Variants in RGS6 observed in about 807,000 individuals in gnomAD.
RGS6 encodes regulator of G-protein signaling 6.
Under a neutral mutation model 78.5 loss-of-function variants are expected in RGS6, and 30 were observed. The ratio of observed to expected loss-of-function variants is 0.38; its 90% confidence interval spans 0.29 to 0.52. RGS6 has a LOEUF of 0.52. Ranked by LOEUF, RGS6 falls within the 20% of genes least tolerant of loss-of-function variation. The pLI is 0.85. For synonymous variants in RGS6, 206 were observed against 206.0 expected (o/e 1.00, Z 0.00); for missense variants, 495 against 609.7 (o/e 0.81, Z 1.98).
intron 12 of RGS6, 34 bp from the exon 13 acceptor site, chr14:72,495,118 C>A: frequency 8.4e-7 from 1 of 1,190,810 alleles, no homozygotes; most frequent in South Asian, 1.2e-5. Flanking sequence ...CTAAGGAAAT[C>A]AGTGGCATTC....
At chr14:72,336,045 C>T (rs1014586056) in intron 2 of RGS6, among the ~76,000 whole-genome samples, 4 of 152,182 alleles carry the variant, frequency 2.6e-5, no homozygotes, top group African/African-American at 9.7e-5. Flanking sequence ...TCTGTTAATG[C>T]ATCCTGAGAT....
chr14:72,604,179 G>A, the RGS6 span, among the ~76,000 whole-genome samples: 2 of 152,120 alleles, frequency 1.3e-5, no homozygotes, highest in Non-Finnish European at 2.9e-5. Context: ...GTGGCAACTA[G>A]GCTCCATGGA....
chr14:72,042,632 G>A (rs2092520304), intron 2 of RGS6, among the ~76,000 whole-genome samples: 1 of 98,752 alleles, frequency 1.0e-5, no homozygotes, highest in Admixed American at 1.2e-4. Context: ...TGATCACCAG[G>A]CTTTATATAA....
At chr14:71,932,981 G>A (rs963194455) in intron 1 of RGS6, 40 bp downstream of exon 1, 12 of 152,262 alleles carry the variant, frequency 7.9e-5, no homozygotes, top group African/African-American at 2.4e-4. Context: ...AGAAACAAAT[G>A]GGGGAAAAAC....
chr14:72,026,509 G>A (rs2089889547), intron 2 of RGS6, among the ~76,000 whole-genome samples: 1 of 152,182 alleles, frequency 6.6e-6, no homozygotes, highest in Non-Finnish European at 1.5e-5. Context: ...TGGCAGAACT[G>A]ACCAGTGTCA....
chr14:72,468,363 G>A (rs914203922), intron 7 of RGS6, among the ~76,000 whole-genome samples: 49 of 142,476 alleles, frequency 3.4e-4, no homozygotes, highest in African/African-American at 1.1e-3. Flanking sequence ...GCAACAGAGC[G>A]AGACTCCGTC....
chr14:71,872,332 G>C, the RGS6 span, among the ~76,000 whole-genome samples: 1 of 152,180 alleles, frequency 6.6e-6, no homozygotes, highest in African/African-American at 2.4e-5. Context: ...TCCAGGACTA[G>C]GTTTGCCTGA....
chr14:72,502,730 C>T (rs2096744813), intron 13 of RGS6, among the ~76,000 whole-genome samples: 1 of 152,054 alleles, frequency 6.6e-6, no homozygotes, highest in South Asian at 2.1e-4. Flanking sequence ...TGCCATTGCA[C>T]TCCAGCCTGA....
the RGS6 span, among the ~76,000 whole-genome samples, chr14:72,573,106 T>A: frequency 6.6e-6 from 1 of 152,180 alleles, no homozygotes; most frequent in Non-Finnish European, 1.5e-5. Context: ...TGCCAGGTCA[T>A]CCCAGAGCGA....
intron 3 of RGS6, 72 bp downstream of exon 3, chr14:72,352,266 G>C: frequency 5.5e-6 from 6 of 1,099,304 alleles, no homozygotes; most frequent in Non-Finnish European, 8.1e-6. Context: ...ATTGCGGCCT[G>C]AGGGGTGTCT....
In RGS6 at chr14:72,070,657, A is replaced by C. The variant is rs942316609; in HGVS notation, c.84+105782A>C. Among the ~76,000 whole-genome samples, 7 of 152,274 alleles carry C rather than the reference A, an allele frequency of 4.6e-5. No homozygotes were observed. In the East Asian group the frequency reaches 1.4e-3, roughly 29 times the overall value. The stretch of plus-strand genomic sequence containing the variant: ...CTGTGGGCAGGGCTTCTGCTAGCCC[A>C]TGTGGCTCCACTCTAAATTGATGCA... On this transcript the variant is annotated intron_variant, in intron 2 of 17. Coordinates refer to ENST00000553525, the MANE Select transcript of RGS6 (RefSeq NM_001204424.2).
intron 2 of RGS6, among the ~76,000 whole-genome samples, chr14:72,061,546 GACC>G (rs2093895213): frequency 6.6e-6 from 1 of 152,008 alleles, no homozygotes; most frequent in South Asian, 2.1e-4. Flanking sequence ...ATATTCCTGA[GACC>G]CTGGTTTCAA....
chr14:72,007,317 C>T (rs2084760738), intron 2 of RGS6, among the ~76,000 whole-genome samples: 1 of 152,060 alleles, frequency 6.6e-6, no homozygotes, highest in Non-Finnish European at 1.5e-5. Flanking sequence ...TGAGCAAAGA[C>T]CAAATTCAGG....
intron 2 of RGS6, among the ~76,000 whole-genome samples, chr14:72,100,927 G>A (rs2095515799): frequency 6.6e-6 from 1 of 152,320 alleles, no homozygotes; most frequent in Non-Finnish European, 1.5e-5. Context: ...GGGATGCCAA[G>A]GCAGGTGGAT....
chr14:72,173,414 C>A (rs1173177942), intron 2 of RGS6, among the ~76,000 whole-genome samples: 3 of 152,132 alleles, frequency 2.0e-5, no homozygotes, highest in Admixed American at 2.0e-4. Flanking sequence ...CTTTTTCTGG[C>A]CCATGAGAGC....
chr14:71,972,821 G>C (rs1325376887), intron 2 of RGS6, among the ~76,000 whole-genome samples: 1 of 152,164 alleles, frequency 6.6e-6, no homozygotes, highest in Non-Finnish European at 1.5e-5. Context: ...AACAGAATTT[G>C]GGGGCTGAGA....
chr14:72,619,405 G>A, the RGS6 span: 1 of 1,533,454 alleles, frequency 6.5e-7, no homozygotes, highest in Non-Finnish European at 8.7e-7. Flanking sequence ...CAGCCCCTCT[G>A]CTAACTCTGG....
intron 2 of RGS6, among the ~76,000 whole-genome samples, chr14:72,243,760 T>C (rs977592245): frequency 4.6e-5 from 7 of 152,182 alleles, no homozygotes; most frequent in African/African-American, 1.7e-4. Context: ...GCACCTTTTT[T>C]TTTTTTCTTG....
At chr14:72,046,854 C>T (rs752555480) in intron 2 of RGS6, among the ~76,000 whole-genome samples, 1 of 152,150 alleles carries the variant, frequency 6.6e-6, no homozygotes, top group Non-Finnish European at 1.5e-5. Context: ...TTGATTTCCT[C>T]TATTGAAGAC....
Sources: allele counts gnomAD v4.1 joint callset (sites outside exome capture counted in the v4.1 genomes callset), GRCh38; gene constraint gnomAD v4.1.1; transcripts MANE v1.5; gene names NCBI Gene and HGNC (gene_info 2026-07-23, HGNC 2026-07-21).